BANK1: variants seen among roughly 807,000 people sequenced by gnomAD.
The protein encoded by BANK1 is B cell scaffold protein with ankyrin repeats 1.
In BANK1, 95 loss-of-function variants were observed where a neutral mutation model predicts 94.5. The observed-to-expected ratio is 1.00, with a 90% CI of 0.85 to 1.19. The LOEUF (loss-of-function observed/expected upper bound fraction) is 1.19. BANK1 is among the 50% of genes most tolerant of loss of function. BANK1 has a pLI of 0.00. For missense variants in BANK1, 987 were observed against 932.2 expected (o/e 1.06, Z -0.77); for synonymous variants, 334 against 308.4 (o/e 1.08, Z -0.87).
intron 10 of BANK1, among the ~76,000 whole-genome samples, chr4:102,039,264 A>G (rs1321406232): frequency 6.6e-6 from 1 of 152,100 alleles, no homozygotes; most frequent in East Asian, 1.9e-4. Flanking sequence ...TTCTCAAGTT[A>G]ATAACCTATA....
intron 5 of BANK1, among the ~76,000 whole-genome samples, chr4:101,873,194 T>C (rs960173250): frequency 1.1e-4 from 16 of 152,188 alleles, no homozygotes; most frequent in Non-Finnish European, 1.8e-4. Context: ...TAAATTGTAA[T>C]TTTATTTAGC....
chr4:101,977,717 T>C (rs6812110), intron 7 of BANK1, among the ~76,000 whole-genome samples: 16,978 of 152,118 alleles, frequency 0.11, 1,451 homozygotes, highest in African/African-American at 0.24. Flanking sequence ...AGATCCATGG[T>C]CATTCCAGCC....
At position 102,063,043 on chromosome 4, in the gene BANK1, C is replaced by G. The variant is rs1440683800; in HGVS notation, c.2149-32C>G. 7 of 1,586,090 alleles carry G rather than the reference C, an allele frequency of 4.4e-6. No homozygotes were observed. The Admixed American group carries it at 1.0e-4, about 23-fold the overall frequency. On this transcript the variant is annotated intron_variant, in intron 12 of 16. Transcript: ENST00000322953. The stretch of plus-strand genomic sequence containing the variant: ...TCTTGATCCATAAAAATTTGAAAAT[C>G]ATAACTATGTCCTGGTTGTTTCCAC...
intron 11 of BANK1, among the ~76,000 whole-genome samples, chr4:102,056,738 G>T (rs1288642286): frequency 6.6e-6 from 1 of 152,130 alleles, no homozygotes; most frequent in Admixed American, 6.5e-5. Flanking sequence ...AGGTGTGGTG[G>T]CTCACACCTG....
chr4:102,071,336 G>C, intron 14 of BANK1, 32 bp downstream of exon 14: 1 of 1,602,744 alleles, frequency 6.2e-7, no homozygotes, highest in Non-Finnish European at 8.5e-7. Context: ...AAGGATCTAA[G>C]ACTAAAACAA....
At chr4:101,936,023 C>A (rs550445698) in intron 7 of BANK1, among the ~76,000 whole-genome samples, 2 of 151,172 alleles carry the variant, frequency 1.3e-5, no homozygotes, top group Admixed American at 1.3e-4. Context: ...CTTGAGTAAA[C>A]CCCGCACAGA....
rs555825036 is a variant in BANK1, at chr4:102,014,427, T to A, written c.1207-7087T>A. Among the ~76,000 whole-genome samples, 23 of 152,262 alleles carry A rather than the reference T, an allele frequency of 1.5e-4. No individual in the cohort carries two copies. The South Asian group carries it at 3.7e-3, about 25-fold the overall frequency. ...ACTGTCTGTTCATCTGTTAGATAAA[T>A]AAACATGCGTTAGCTATTGGAACCA... is the stretch of plus-strand genomic sequence containing the variant. On this transcript the variant is annotated intron_variant, in intron 7 of 16. Coordinates refer to ENST00000322953, the MANE Select transcript of BANK1 (RefSeq NM_017935.5).
At chr4:102,052,262 C>T (rs564398345) in intron 11 of BANK1, among the ~76,000 whole-genome samples, 149 of 151,886 alleles carry the variant, frequency 9.8e-4, no homozygotes, top group Non-Finnish European at 1.6e-3. Flanking sequence ...GGACTACAGG[C>T]GTGTGCTACC....
At chr4:101,869,369 G>T (rs1236875810) in intron 4 of BANK1, among the ~76,000 whole-genome samples, 3 of 151,740 alleles carry the variant, frequency 2.0e-5, no homozygotes, top group Non-Finnish European at 4.4e-5. Context: ...TTTCATTTTT[G>T]TTTGTTGTAA....
chr4:102,022,167 T>C (rs74485831), intron 8 of BANK1, among the ~76,000 whole-genome samples: 2,626 of 152,192 alleles, frequency 0.017, 92 homozygotes, highest in African/African-American at 0.061. Flanking sequence ...CCAGGCTTTA[T>C]TGGCATACAG....
chr4:101,838,660 A>G (rs1185477868), intron 2 of BANK1, among the ~76,000 whole-genome samples: 1 of 152,162 alleles, frequency 6.6e-6, no homozygotes, highest in Non-Finnish European at 1.5e-5. Context: ...CTATGCCAAG[A>G]CAGTTGGTAT....
Position 102,029,998 on chromosome 4 carries a change from T to A in BANK1, c.1633T>A (p.Trp545Arg). The change falls in exon 10 of 17, where the codon TGG becomes AGG. Residue 545 changes from tryptophan (W) to arginine (R), a missense_variant. By Grantham distance (101) the Trp-to-Arg change is moderately radical. Coordinates refer to ENST00000322953, the MANE Select transcript of BANK1 (RefSeq NM_017935.5). Reference protein sequence around the residue: ...VEGQMERSQNWGHPGVRQETG... With the variant: ...VEGQMERSQNRGHPGVRQETG... ...AGGCCAAATGGAAAGAAGTCAAAAC[T>A]GGGGTCATCCTGGTGTTAGACAAGA... The A allele has an allele frequency of 6.2e-7, 1 of 1,611,424 alleles. No homozygotes were observed.
At chr4:101,943,755 T>A (rs1723829179) in intron 7 of BANK1, among the ~76,000 whole-genome samples, 1 of 151,818 alleles carries the variant, frequency 6.6e-6, no homozygotes, top group Non-Finnish European at 1.5e-5. Flanking sequence ...TTAAAAGAAT[T>A]AATTTTGAAA....
intron 7 of BANK1, among the ~76,000 whole-genome samples, chr4:101,990,784 T>C (rs1447346502): frequency 6.6e-6 from 1 of 152,208 alleles, no homozygotes; most frequent in East Asian, 1.9e-4. Flanking sequence ...AAATATAAGT[T>C]CTTTATGCAG....
intron 5 of BANK1, among the ~76,000 whole-genome samples, 166 bp from the exon 6 acceptor site, chr4:101,895,139 A>G (rs1275181168): frequency 6.6e-6 from 1 of 151,786 alleles, no homozygotes; most frequent in African/African-American, 2.4e-5. Flanking sequence ...ATTGGTTTTT[A>G]GGCAAGGCCC....
In BANK1 at chr4:102,015,570, A is replaced by G. The variant is rs185464429; in HGVS notation, c.1207-5944A>G. Reference sequence around the variant, plus strand: ...TTGCATAGAAAATGTGATTTTAATCAGTGTCTTTATCTCTAAATAACAAAA... The same window carrying G: ...TTGCATAGAAAATGTGATTTTAATCGGTGTCTTTATCTCTAAATAACAAAA... On this transcript the variant is annotated intron_variant, in intron 7 of 16. Transcript: ENST00000322953. Among the ~76,000 whole-genome samples the G allele has an allele frequency of 1.3e-3, 200 of 152,328 alleles. 3 individuals carry two copies. The highest frequency in any genetic ancestry group is 4.7e-3 in the African/African-American group (194 of 41,578).
chr4:102,019,866 C>T (rs1726831082), intron 7 of BANK1, among the ~76,000 whole-genome samples: 1 of 152,080 alleles, frequency 6.6e-6, no homozygotes, highest in African/African-American at 2.4e-5. Context: ...ATCAATTGTA[C>T]ATAATATTTA....
chr4:102,034,064 T>C (rs1727416656), intron 10 of BANK1, among the ~76,000 whole-genome samples: 1 of 152,154 alleles, frequency 6.6e-6, no homozygotes, highest in Non-Finnish European at 1.5e-5. Context: ...GGCAGATCTA[T>C]TAAGTCAAGT....
chr4:102,050,228 C>A (rs1444261554), intron 11 of BANK1, among the ~76,000 whole-genome samples: 1 of 152,152 alleles, frequency 6.6e-6, no homozygotes, highest in Non-Finnish European at 1.5e-5. Context: ...CAGCTGAATT[C>A]TTGCCTCCAA....
Sources: allele counts gnomAD v4.1 joint callset (sites outside exome capture counted in the v4.1 genomes callset), GRCh38; gene constraint gnomAD v4.1.1; transcripts MANE v1.5; gene names NCBI Gene and HGNC (gene_info 2026-07-23, HGNC 2026-07-21).